Variants in CLVS1 observed in about 807,000 individuals in gnomAD.
The protein encoded by CLVS1 is clavesin-1.
CLVS1 carries 10 observed loss-of-function variants against 33.1 expected under a neutral mutation model. The observed-to-expected ratio is 0.30, with a 90% CI of 0.19 to 0.51. The LOEUF is 0.51. Ranked by LOEUF, CLVS1 falls within the 20% of genes least tolerant of loss-of-function variation. The pLI is 0.97. For synonymous variants in CLVS1, 163 were observed against 166.1 expected, an observed-to-expected ratio of 0.98 and a Z score of 0.14; for missense variants, 343 against 433.4, an observed-to-expected ratio of 0.79 and a Z score of 1.85.
intron 3 of CLVS1, among the ~76,000 whole-genome samples, chr8:61,414,930 A>G (rs567352648): frequency 6.6e-6 from 1 of 152,330 alleles, no homozygotes; most frequent in East Asian, 1.9e-4. Flanking sequence ...TATTTTATAG[A>G]TTCATAAAGT....
intron 2 of CLVS1, among the ~76,000 whole-genome samples, chr8:61,214,325 G>T (rs1424998359): frequency 6.6e-6 from 1 of 152,132 alleles, no homozygotes. Flanking sequence ...ATAAAAACTT[G>T]CTGGTTTTTG....
At chr8:61,251,158 A>G (rs1488756014) in intron 2 of CLVS1, among the ~76,000 whole-genome samples, 1 of 152,188 alleles carries the variant, frequency 6.6e-6, no homozygotes, top group Non-Finnish European at 1.5e-5. Flanking sequence ...CCTTTTCTGC[A>G]TCTATTGAGA....
intron 2 of CLVS1, among the ~76,000 whole-genome samples, chr8:61,229,444 A>C (rs559296291): frequency 6.6e-6 from 1 of 152,302 alleles, no homozygotes; most frequent in South Asian, 2.1e-4. Context: ...TAGACAGCAA[A>C]TTGGAGGCTC....
chr8:60,986,119 T>C, the CLVS1 span, among the ~76,000 whole-genome samples: 1 of 152,152 alleles, frequency 6.6e-6, no homozygotes, highest in African/African-American at 2.4e-5. Context: ...TGGAAGACGA[T>C]TGTAGATGCA....
chr8:61,500,537 G>GAA lies in CLVS1; in HGVS notation c.*996_*997dup, dbSNP rs1804634003. 6.6e-6 allele frequency: 1 copy of GAA among 152,196 alleles called. No homozygotes were observed. Among genetic ancestry groups the GAA allele is most frequent in the South Asian group, 2.1e-4 (1 of 4,830 alleles). The allele number at this position is 152,196 out of a possible 1,614,324, so 9.4% of individuals were successfully genotyped here. ...TAAATATGCAAGTACTGAAGTAAGA[G>GAA]AAGACTAGAAATGCAGGATGAAATG... On this transcript the variant is annotated 3_prime_UTR_variant, in exon 6 of 6. Transcript: ENST00000325897.
intron 1 of CLVS1, among the ~76,000 whole-genome samples, chr8:61,111,408 G>A (rs891015068): frequency 1.3e-5 from 2 of 152,140 alleles, no homozygotes; most frequent in Non-Finnish European, 2.9e-5. Flanking sequence ...TTCTTGGTTT[G>A]TACTTTTGGT....
chr8:61,250,270 G>T (rs1402685916), intron 2 of CLVS1, among the ~76,000 whole-genome samples: 1 of 152,048 alleles, frequency 6.6e-6, no homozygotes, highest in Non-Finnish European at 1.5e-5. Flanking sequence ...CTGTTCCATT[G>T]GTCTATATCT....
At chr8:61,445,653 A>C (rs539420983) in intron 3 of CLVS1, among the ~76,000 whole-genome samples, 1 of 152,322 alleles carries the variant, frequency 6.6e-6, no homozygotes, top group African/African-American at 2.4e-5. Context: ...AGCAAAACAG[A>C]CTAAGACAAA....
chr8:61,392,496 G>T (rs1229563346), intron 3 of CLVS1, among the ~76,000 whole-genome samples: 1 of 152,004 alleles, frequency 6.6e-6, no homozygotes, highest in Non-Finnish European at 1.5e-5. Flanking sequence ...ATTCCCACTG[G>T]TACCTCAGCC....
chr8:61,414,586 CTGCGAG>C (rs1178568328), intron 3 of CLVS1, among the ~76,000 whole-genome samples: 1 of 152,094 alleles, frequency 6.6e-6, no homozygotes, highest in African/African-American at 2.4e-5. Context: ...TTGGCTGGGG[CTGCGAG>C]TAGGTCAGAG....
At chr8:61,331,405 A>G (rs1811584937) in intron 2 of CLVS1, among the ~76,000 whole-genome samples, 1 of 151,816 alleles carries the variant, frequency 6.6e-6, no homozygotes, top group South Asian at 2.1e-4. Context: ...CTTTCATCCA[A>G]AGGACTTTCT....
upstream of CLVS1, among the ~76,000 whole-genome samples, chr8:61,054,500 C>G (rs1804442729): frequency 6.6e-6 from 1 of 152,182 alleles, no homozygotes; most frequent in Non-Finnish European, 1.5e-5. Flanking sequence ...GAAGCGGTTG[C>G]TAAAACAAAC....
At chr8:61,480,669 G>A (rs118167027) in intron 5 of CLVS1, among the ~76,000 whole-genome samples, 1,788 of 152,164 alleles carry the variant, frequency 0.012, 20 homozygotes, top group Non-Finnish European at 0.017. Flanking sequence ...CATCTTCTGC[G>A]TCGCTTCTGC....
chr8:61,038,704 G>T, the CLVS1 span, among the ~76,000 whole-genome samples: 1 of 151,998 alleles, frequency 6.6e-6, no homozygotes, highest in African/African-American at 2.4e-5. Context: ...AGCCTCCCCG[G>T]TCCTCATTGT....
At chr8:61,428,039 G>A (rs1815959482) in intron 3 of CLVS1, among the ~76,000 whole-genome samples, 1 of 152,194 alleles carries the variant, frequency 6.6e-6, no homozygotes, top group Non-Finnish European at 1.5e-5. Flanking sequence ...CAATTGGAGT[G>A]TTACCCTGAT....
intron 2 of CLVS1, among the ~76,000 whole-genome samples, chr8:61,344,215 A>G (rs555356535): frequency 1.3e-5 from 2 of 152,256 alleles, no homozygotes; most frequent in East Asian, 3.9e-4. Flanking sequence ...GTTTGACCAA[A>G]TCAGAGCTAA....
At chr8:60,978,625 G>A in the CLVS1 span, among the ~76,000 whole-genome samples, 1 of 151,802 alleles carries the variant, frequency 6.6e-6, no homozygotes, top group African/African-American at 2.4e-5. Flanking sequence ...GACCATCCTG[G>A]CCAACATGGT....
chr8:61,178,707 A>G (rs893153188), intron 2 of CLVS1, among the ~76,000 whole-genome samples: 1 of 152,206 alleles, frequency 6.6e-6, no homozygotes, highest in Non-Finnish European at 1.5e-5. Flanking sequence ...ATTCTTAAAG[A>G]AAAGAATTTT....
intron 3 of CLVS1, among the ~76,000 whole-genome samples, chr8:61,378,791 C>G (rs1057376686): frequency 2.6e-5 from 4 of 152,220 alleles, no homozygotes; most frequent in Non-Finnish European, 4.4e-5. Flanking sequence ...GCTATCTGCT[C>G]TCTGGTTTTG....
Sources: gnomAD v4.1 joint callset for allele counts (sites outside exome capture counted in the v4.1 genomes callset) on GRCh38, gnomAD v4.1.1 for gene constraint, MANE v1.5 for transcripts, NCBI Gene and HGNC (gene_info 2026-07-23, HGNC 2026-07-21) for gene names.